Variants in FMN1 observed in about 807,000 individuals in gnomAD.
FMN1 encodes formin-1.
FMN1 carries 110 observed loss-of-function variants against 132.4 expected under a neutral mutation model. That is an observed-to-expected ratio of 0.83 (90% CI 0.71 to 0.97). The LOEUF is 0.97. Among genes scored for constraint, FMN1 ranks in the 50% least tolerant of loss-of-function variants. The pLI is 0.00. For missense variants in FMN1, 1,792 were observed against 1,705.3 expected (o/e 1.05, Z -0.90); for synonymous variants, 722 against 651.7 (o/e 1.11, Z -1.64).
intron 3 of FMN1, among the ~76,000 whole-genome samples, chr15:33,175,550 C>T (rs1162375711): frequency 6.6e-6 from 1 of 152,186 alleles, no homozygotes; most frequent in Non-Finnish European, 1.5e-5. Flanking sequence ...CCCTATTTCT[C>T]TATATCTCTT....
intron 4 of FMN1, among the ~76,000 whole-genome samples, chr15:33,109,704 G>A (rs533086866): frequency 6.6e-6 from 1 of 152,100 alleles, no homozygotes; most frequent in East Asian, 1.9e-4. Context: ...AGCATGAGAG[G>A]AGGGAGAGAA....
chr15:33,066,386 C>T lies in FMN1; in HGVS notation c.2044-1312G>A, dbSNP rs542978198. 1.1e-3 allele frequency: 946 copies of T among 835,934 alleles called. 3 individuals are homozygous for T. Among genetic ancestry groups the T allele is most frequent in the Non-Finnish European group, 1.6e-3 (887 of 547,386 alleles). 51.8% of individuals were successfully genotyped at this position (835,934 alleles called of 1,614,324 possible). On this transcript the variant is annotated intron_variant, in intron 5 of 20. Coordinates refer to ENST00000616417, the MANE Select transcript of FMN1 (RefSeq NM_001277313.2). The stretch of plus-strand genomic sequence containing the variant: ...CTCCTTACAGGACAATATAATTTGA[C>T]TATAATCCTTTTTCAACTAAAAGAA...
chr15:33,086,346 C>A (rs2038693238), intron 5 of FMN1, among the ~76,000 whole-genome samples: 1 of 147,582 alleles, frequency 6.8e-6, no homozygotes, highest in African/African-American at 2.5e-5. Flanking sequence ...AAAAACAAAC[C>A]ATACTTAGTG....
chr15:32,867,145 C>G (rs982698000), intron 16 of FMN1, among the ~76,000 whole-genome samples: 1 of 152,218 alleles, frequency 6.6e-6, no homozygotes, highest in Non-Finnish European at 1.5e-5. Flanking sequence ...CTCAGCCTAA[C>G]TGTTCTTCCC....
At chr15:33,029,642 G>A (rs922199409) in intron 6 of FMN1, among the ~76,000 whole-genome samples, 4 of 152,114 alleles carry the variant, frequency 2.6e-5, no homozygotes, top group Non-Finnish European at 5.9e-5. Flanking sequence ...GGCTGCTATA[G>A]AAGGCAATGG....
At chr15:33,120,742 A>G (rs1160973770) in intron 4 of FMN1, among the ~76,000 whole-genome samples, 1 of 152,164 alleles carries the variant, frequency 6.6e-6, no homozygotes, top group African/African-American at 2.4e-5. Flanking sequence ...AAGATATGGA[A>G]AAATTTATTC....
chr15:33,091,628 G>C (rs961559551), intron 4 of FMN1, among the ~76,000 whole-genome samples: 1 of 152,158 alleles, frequency 6.6e-6, no homozygotes, highest in Admixed American at 6.6e-5. Context: ...TGACAAAGTA[G>C]GTTAGGACAA....
At chr15:33,167,558 C>T (rs1965158041) in intron 3 of FMN1, among the ~76,000 whole-genome samples, 1 of 152,142 alleles carries the variant, frequency 6.6e-6, no homozygotes, top group Non-Finnish European at 1.5e-5. Flanking sequence ...TGACCTTTGA[C>T]CAAAGCAGGG....
chr15:33,065,120 G>T, intron 5 of FMN1, 46 bp from the exon 6 acceptor site: 3 of 1,282,698 alleles, frequency 2.3e-6, no homozygotes, highest in South Asian at 2.9e-5. Flanking sequence ...AGTCAGAGCC[G>T]ATTAATTCCT....
At chr15:33,084,298 T>C (rs529187617) in intron 5 of FMN1, among the ~76,000 whole-genome samples, 2 of 152,318 alleles carry the variant, frequency 1.3e-5, no homozygotes, top group East Asian at 3.9e-4. Context: ...GTAACAGTAA[T>C]AGTCAGTAAA....
intron 15 of FMN1, among the ~76,000 whole-genome samples, chr15:32,896,675 T>G (rs1173338361): frequency 6.6e-6 from 1 of 152,176 alleles, no homozygotes; most frequent in African/African-American, 2.4e-5. Context: ...TGCCCTTCTG[T>G]GACTGGATTA....
intron 9 of FMN1, 81 bp downstream of exon 9, chr15:32,964,026 C>CAT: frequency 1.1e-6 from 1 of 905,260 alleles, no homozygotes; most frequent in Admixed American, 2.2e-5. Flanking sequence ...TACACACACA[C>CAT]ACACACACAC....
At chr15:33,114,162 C>T (rs1037960668) in intron 4 of FMN1, among the ~76,000 whole-genome samples, 1 of 152,342 alleles carries the variant, frequency 6.6e-6, no homozygotes, top group Admixed American at 6.5e-5. Context: ...CTGCTAGTGC[C>T]TGCCCTTTAT....
At chr15:33,135,440 G>A (rs889127412) in intron 4 of FMN1, among the ~76,000 whole-genome samples, 38 of 152,350 alleles carry the variant, frequency 2.5e-4, no homozygotes, top group African/African-American at 9.1e-4. Flanking sequence ...GCACAGCACA[G>A]AATAACCCAG....
At chr15:33,125,080 G>A (rs1218466873) in intron 4 of FMN1, among the ~76,000 whole-genome samples, 2 of 152,210 alleles carry the variant, frequency 1.3e-5, no homozygotes, top group East Asian at 3.9e-4. Flanking sequence ...TTTTCCACCA[G>A]CCCCTCTCTG....
chr15:33,018,067 G>A (rs1235336889), intron 6 of FMN1, among the ~76,000 whole-genome samples: 15 of 142,910 alleles, frequency 1.0e-4, no homozygotes, highest in East Asian at 2.2e-4. Flanking sequence ...TACCTCTCAA[G>A]AAAAAAAAAA....
intron 6 of FMN1, among the ~76,000 whole-genome samples, chr15:33,049,166 C>T (rs867364757): frequency 6.6e-6 from 1 of 152,140 alleles, no homozygotes; most frequent in Non-Finnish European, 1.5e-5. Context: ...TGCTAAGGCC[C>T]TAAGTTTTGG....
Position 33,124,929 on chromosome 15 carries a change from C to T in FMN1, c.1867+28119G>A, listed in dbSNP as rs1962909597. On this transcript the variant is annotated intron_variant, in intron 4 of 20. Transcript: ENST00000616417. ...GGCAAATGTTAAAGATACTATGTGC[C>T]ACTCCCCTCCACTGAGGTTTTGATT... Among the ~76,000 whole-genome samples, 5 of 151,870 alleles carry T rather than the reference C, an allele frequency of 3.3e-5. No individual in the cohort carries two copies. The South Asian group carries it at 1.0e-3, about 32-fold the overall frequency.
intron 7 of FMN1, among the ~76,000 whole-genome samples, chr15:32,979,045 G>A (rs1015484348): frequency 4.6e-5 from 7 of 152,078 alleles, no homozygotes; most frequent in Non-Finnish European, 1.0e-4. Context: ...AATAGTTCCC[G>A]CAACTTTACA....
Sources: gnomAD v4.1 joint callset for allele counts (sites outside exome capture counted in the v4.1 genomes callset) on GRCh38, gnomAD v4.1.1 for gene constraint, MANE v1.5 for transcripts, NCBI Gene and HGNC (gene_info 2026-07-23, HGNC 2026-07-21) for gene names.